The following PDE4D variants were observed in gnomAD, a reference collection of about 807,000 sequenced individuals.
PDE4D encodes the protein phosphodiesterase 4D.
In PDE4D, 24 loss-of-function variants were observed where a neutral mutation model predicts 87.4. That is an observed-to-expected ratio of 0.27 (90% CI 0.20 to 0.39). The LOEUF is 0.39. PDE4D is among the 10% of genes least tolerant of loss of function. The pLI is 1.00. For synonymous variants in PDE4D, 384 were observed against 383.2 expected (o/e 1.00, Z -0.02); for missense variants, 714 against 1,041.0 (o/e 0.69, Z 4.32).
At chr5:59,151,847 G>A (rs1436046318) in intron 5 of PDE4D, among the ~76,000 whole-genome samples, 1 of 152,004 alleles carries the variant, frequency 6.6e-6, no homozygotes, top group African/African-American at 2.4e-5. Context: ...GGGTGAAGAG[G>A]GAGAGAAAAG....
intron 1 of PDE4D, among the ~76,000 whole-genome samples, chr5:59,664,900 G>A (rs1357181715): frequency 6.6e-6 from 1 of 152,094 alleles, no homozygotes; most frequent in Non-Finnish European, 1.5e-5. Context: ...GTTTTCTGTG[G>A]ATAGACTTTG....
intron 1 of PDE4D, among the ~76,000 whole-genome samples, chr5:59,843,027 T>C (rs1743250572): frequency 6.6e-6 from 1 of 152,008 alleles, no homozygotes; most frequent in Admixed American, 6.6e-5. Flanking sequence ...TGATTTCTTA[T>C]ATTTTTTGCT....
intron 1 of PDE4D, chr5:59,430,420 A>G: frequency 8.1e-7 from 1 of 1,231,114 alleles, no homozygotes; most frequent in East Asian, 3.2e-5. Context: ...CAAACTCATT[A>G]TATCCAAAAG....
chr5:59,684,453 A>C (rs1027789279), intron 1 of PDE4D, among the ~76,000 whole-genome samples: 2 of 152,212 alleles, frequency 1.3e-5, no homozygotes, highest in African/African-American at 4.8e-5. Flanking sequence ...AAATACAAGA[A>C]TTTTTGAATT....
At chr5:60,017,551 C>T (rs187817435) in intron 2 of PDE4D, among the ~76,000 whole-genome samples, 8 of 152,140 alleles carry the variant, frequency 5.3e-5, no homozygotes, top group South Asian at 2.1e-4. Context: ...TGTGGTGTTT[C>T]GTTTTCTGTT....
intron 1 of PDE4D, among the ~76,000 whole-genome samples, chr5:59,844,193 T>G (rs181924): frequency 0.44 from 67,115 of 151,974 alleles, 18,928 homozygotes; most frequent in African/African-American, 0.8. Flanking sequence ...CCATGAATAG[T>G]TTTTTAATTA....
chr5:60,515,601 C>CTTTCTTTTTTTTTTTTTT (rs1750761192), intron 1 of PDE4D, among the ~76,000 whole-genome samples: 3 of 106,810 alleles, frequency 2.8e-5, no homozygotes, highest in Non-Finnish European at 2.0e-5. Flanking sequence ...TTTTCTTTTT[C>CTTTCTTTTTTTTTTTTTT]TTTTTTTTTT....
chr5:60,425,203 C>G (rs1743579892), intron 1 of PDE4D, among the ~76,000 whole-genome samples: 2 of 152,042 alleles, frequency 1.3e-5, no homozygotes, highest in African/African-American at 4.8e-5. Flanking sequence ...CATATGGAAC[C>G]AAAAAAGAGC....
At chr5:59,713,681 A>C (rs1388885329) in intron 1 of PDE4D, among the ~76,000 whole-genome samples, 1 of 152,206 alleles carries the variant, frequency 6.6e-6, no homozygotes, top group Non-Finnish European at 1.5e-5. Context: ...ACCTGGTCAC[A>C]GCTGTGCTGC....
chr5:59,135,081 A>G (rs1776838414), intron 5 of PDE4D, among the ~76,000 whole-genome samples: 1 of 152,182 alleles, frequency 6.6e-6, no homozygotes, highest in South Asian at 2.1e-4. Flanking sequence ...AAGACCCCAA[A>G]TGACCCAGGA....
At chr5:60,303,307 CTTTTT>C (rs879522679) in intron 1 of PDE4D, among the ~76,000 whole-genome samples, 1 of 127,818 alleles carries the variant, frequency 7.8e-6, no homozygotes, top group African/African-American at 3.1e-5. Context: ...ATCTGGATTT[CTTTTT>C]TTTTTTTTTT....
chr5:59,530,201 C>T (rs918463538), intron 1 of PDE4D, among the ~76,000 whole-genome samples: 1 of 152,162 alleles, frequency 6.6e-6, no homozygotes, highest in East Asian at 1.9e-4. Flanking sequence ...TATATATTAA[C>T]ACTTCTATTG....
chr5:59,860,401 G>T (rs1209754561), intron 1 of PDE4D, among the ~76,000 whole-genome samples: 2 of 152,098 alleles, frequency 1.3e-5, no homozygotes, highest in African/African-American at 4.8e-5. Context: ...TCTTCACCTT[G>T]TTCCACATAC....
At chr5:59,625,565 T>TA (rs1284514614) in intron 1 of PDE4D, among the ~76,000 whole-genome samples, 3 of 151,834 alleles carry the variant, frequency 2.0e-5, no homozygotes, top group East Asian at 1.9e-4. Flanking sequence ...TACTCAACAA[T>TA]AAAAAAAGAC....
intron 11 of PDE4D, among the ~76,000 whole-genome samples, chr5:58,979,515 A>T (rs1744606117): frequency 6.6e-6 from 1 of 152,178 alleles, no homozygotes; most frequent in African/African-American, 2.4e-5. Context: ...GGGAGGTAGG[A>T]GTCTGCAGCT....
chr5:59,291,738 G>A (rs914928901), intron 1 of PDE4D, among the ~76,000 whole-genome samples: 3 of 125,570 alleles, frequency 2.4e-5, no homozygotes, highest in South Asian at 4.8e-4. Context: ...GTAAAAAGAA[G>A]TTTTTTTTTT....
chr5:60,457,741 T>C (rs1746584096), intron 1 of PDE4D, among the ~76,000 whole-genome samples: 1 of 152,140 alleles, frequency 6.6e-6, no homozygotes, highest in Non-Finnish European at 1.5e-5. Flanking sequence ...TGTGAGGAAA[T>C]TATTTAACTC....
At chr5:59,576,631 A>T (rs1823210834) in intron 1 of PDE4D, among the ~76,000 whole-genome samples, 2 of 152,150 alleles carry the variant, frequency 1.3e-5, no homozygotes, top group African/African-American at 4.8e-5. Context: ...GGCTACTGCA[A>T]TGAATAGAAC....
intron 1 of PDE4D, among the ~76,000 whole-genome samples, chr5:59,284,976 A>G (rs1158174493): frequency 7.4e-5 from 6 of 80,756 alleles, no homozygotes; most frequent in Non-Finnish European, 1.4e-4. Context: ...AAAACCAAAC[A>G]CCGCATATTC....
Sources: allele counts gnomAD v4.1 joint callset (sites outside exome capture counted in the v4.1 genomes callset), GRCh38; gene constraint gnomAD v4.1.1; transcripts MANE v1.5; gene names NCBI Gene and HGNC (gene_info 2026-07-23, HGNC 2026-07-21).